The following RSF1 variants were observed in gnomAD, a reference collection of about 807,000 sequenced individuals.
RSF1 encodes remodeling and spacing factor 1.
RSF1 carries 13 observed loss-of-function variants against 145.2 expected under a neutral mutation model. The observed-to-expected ratio is 0.09, with a 90% CI of 0.06 to 0.14. The LOEUF is 0.14. Ranked by LOEUF, RSF1 falls within the 10% of genes least tolerant of loss-of-function variation. The pLI, the probability that RSF1 is intolerant of heterozygous loss-of-function variation, is 1.00. For missense variants in RSF1, 1,517 were observed against 1,718.2 expected (o/e 0.88, Z 2.07); for synonymous variants, 577 against 592.6 (o/e 0.97, Z 0.38).
At chr11:77,870,615 G>T in the RSF1 span, among the ~76,000 whole-genome samples, 1 of 152,102 alleles carries the variant, frequency 6.6e-6, no homozygotes, top group Non-Finnish European at 1.5e-5. Context: ...GGGATTACGG[G>T]TGTGAGCCAC....
Position 77,673,620 on chromosome 11 carries a change from T to C in RSF1, c.3563-1390A>G, listed in dbSNP as rs1438273849. ...TTCTTCCTTACAGAACAACAATAAA[T>C]AAATATAACAGAAATGACAGAGTTA... On this transcript the variant is annotated intron_variant, in intron 14 of 15. Transcript: ENST00000308488. Among the ~76,000 whole-genome samples, 3 of 152,002 alleles carry C rather than the reference T, an allele frequency of 2.0e-5. No homozygotes were observed. The East Asian group carries it at 5.8e-4, about 29-fold the overall frequency.
At chr11:77,750,490 C>G (rs1217221877) in intron 2 of RSF1, among the ~76,000 whole-genome samples, 1 of 152,150 alleles carries the variant, frequency 6.6e-6, no homozygotes, top group African/African-American at 2.4e-5. Context: ...GTTTTTCTCC[C>G]AATCATCTAA....
chr11:77,783,929 T>C (rs551825071), intron 1 of RSF1, among the ~76,000 whole-genome samples: 120 of 152,352 alleles, frequency 7.9e-4, no homozygotes, highest in African/African-American at 2.7e-3. Flanking sequence ...GTCTTTTTCT[T>C]AGGTTGCCTT....
At chr11:77,704,963 C>T (rs560636612) in intron 5 of RSF1, among the ~76,000 whole-genome samples, 2 of 151,964 alleles carry the variant, frequency 1.3e-5, no homozygotes, top group African/African-American at 2.4e-5. Context: ...GTTGGTCAGG[C>T]GGGTCTCGAA....
chr11:77,713,693 CTTTT>C (rs1419176931), intron 5 of RSF1, among the ~76,000 whole-genome samples: 3 of 152,070 alleles, frequency 2.0e-5, no homozygotes, highest in Non-Finnish European at 2.9e-5. Flanking sequence ...TCCTATGTTT[CTTTT>C]GTTTTTTACA....
At position 77,675,003 on chromosome 11, in the gene RSF1, T is replaced by C. The variant is rs199912544; in HGVS notation, c.3562+33A>G. 22 of 1,505,522 alleles carry C rather than the reference T, an allele frequency of 1.5e-5. No homozygotes were observed. The Admixed American group carries it at 2.8e-4, about 19-fold the overall frequency. The allele number at this position is 1,505,522 out of a possible 1,614,324, so 93.3% of individuals were successfully genotyped here. On this transcript the variant is annotated intron_variant, in intron 14 of 15. Coordinates refer to ENST00000308488, the MANE Select transcript of RSF1 (RefSeq NM_016578.4). ...AACAAGAAAAACAAAAAATAATTTA[T>C]TGAGCTACCATATGGTTACAGATTA...
intron 1 of RSF1, among the ~76,000 whole-genome samples, chr11:77,781,123 G>A (rs975206731): frequency 6.6e-6 from 1 of 151,344 alleles, no homozygotes; most frequent in Non-Finnish European, 1.5e-5. Flanking sequence ...TTGAGAGAGA[G>A]AGAATCTCAC....
the RSF1 span, among the ~76,000 whole-genome samples, chr11:77,826,871 G>A: frequency 9.9e-5 from 15 of 152,148 alleles, no homozygotes; most frequent in Non-Finnish European, 1.8e-4. Flanking sequence ...TTGAGAGGCC[G>A]AGGTGGGCAG....
the RSF1 span, among the ~76,000 whole-genome samples, chr11:77,849,519 C>T: frequency 6.6e-6 from 1 of 152,090 alleles, no homozygotes; most frequent in African/African-American, 2.4e-5. Context: ...CCACTGCACC[C>T]GGCCTAATTT....
In RSF1 at chr11:77,700,892, T is replaced by C; in HGVS notation, c.2337A>G (p.Pro779=). 1.2e-6 allele frequency: 2 copies of C among 1,613,880 alleles called. No individual in the cohort carries two copies. Among genetic ancestry groups the C allele is most frequent in the South Asian group, 2.2e-5 (2 of 91,032 alleles). The part of the protein sequence containing the change: ...TNVGRTLRRS[P]RISRPTAKVA... ...CTTTTGCAGTGGGTCTAGATATTCT[T>C]GGAGATCTTCTTAAAGTACGACCCA... The change falls in exon 6 of 16, where the codon CCA becomes CCG. Residue 779 remains proline, a synonymous_variant. Transcript: ENST00000308488.
intron 1 of RSF1, among the ~76,000 whole-genome samples, chr11:77,767,019 T>C (rs1286750254): frequency 6.6e-6 from 1 of 152,158 alleles, no homozygotes. Context: ...TGTGCAGTGA[T>C]AAAAGATCTG....
chr11:77,802,701 G>A (rs543492289), intron 1 of RSF1, among the ~76,000 whole-genome samples: 4 of 152,092 alleles, frequency 2.6e-5, no homozygotes, highest in South Asian at 2.1e-4. Flanking sequence ...GCACCAGCAC[G>A]CCTGGCTAAT....
chr11:77,800,106 G>A (rs554059484), intron 1 of RSF1, among the ~76,000 whole-genome samples: 190 of 152,218 alleles, frequency 1.2e-3, no homozygotes, highest in African/African-American at 4.3e-3. Context: ...GATTGCTCCC[G>A]TGAATAGCCA....
chr11:77,819,804 G>A (rs1948829204), intron 1 of RSF1, among the ~76,000 whole-genome samples: 1 of 152,072 alleles, frequency 6.6e-6, no homozygotes, highest in Non-Finnish European at 1.5e-5. Context: ...TATGGAGGAG[G>A]AATTAACCCT....
At chr11:77,829,535 CT>C in the RSF1 span, 1 of 152,024 alleles carries the variant, frequency 6.6e-6, no homozygotes, top group African/African-American at 2.4e-5. Context: ...ACAAATGATG[CT>C]GAGAAAACTG....
At chr11:77,692,093 G>A (rs1394934884) in intron 8 of RSF1, among the ~76,000 whole-genome samples, 3 of 152,032 alleles carry the variant, frequency 2.0e-5, no homozygotes, top group Non-Finnish European at 4.4e-5. Context: ...ATATCGTCAT[G>A]TTGGTCAGAC....
Position 77,663,273 on chromosome 11 carries a change from C to T in RSF1, c.*3644G>A, listed in dbSNP as rs1590816430. On this transcript the variant is annotated 3_prime_UTR_variant, in exon 16 of 16. Transcript: ENST00000308488. ...AAAAAGCATTCCTTGTGACAAAGGA[C>T]ACCCCACCAGTCCCACTTAAAAACA... 6.6e-6 allele frequency: 1 copy of T among 152,152 alleles called. No homozygotes were observed. Among genetic ancestry groups the T allele is most frequent in the East Asian group, 1.9e-4 (1 of 5,192 alleles). 9.4% of individuals were successfully genotyped at this position (152,152 alleles called of 1,614,324 possible).
chr11:77,677,105 T>C (rs1023033145), intron 12 of RSF1, 106 bp from the exon 13 acceptor site: 2 of 802,042 alleles, frequency 2.5e-6, no homozygotes, highest in African/African-American at 3.5e-5. Context: ...AGCTCTTCAT[T>C]TCTTTATTTT....
intron 1 of RSF1, among the ~76,000 whole-genome samples, chr11:77,801,606 T>C (rs938325096): frequency 3.3e-5 from 5 of 151,996 alleles, no homozygotes; most frequent in African/African-American, 4.8e-5. Flanking sequence ...TCCTGAGCAA[T>C]GGGGTAACAT....
Sources: allele counts gnomAD v4.1 joint callset (sites outside exome capture counted in the v4.1 genomes callset), GRCh38; gene constraint gnomAD v4.1.1; transcripts MANE v1.5; gene names NCBI Gene and HGNC (gene_info 2026-07-23, HGNC 2026-07-21).